SDCBP: variants seen among roughly 807,000 people sequenced by gnomAD.
The protein encoded by SDCBP is syndecan binding protein.
Under a neutral mutation model 30.5 loss-of-function variants are expected in SDCBP, and 22 were observed. The observed-to-expected ratio is 0.72, with a 90% CI of 0.52 to 1.03. The LOEUF is 1.03. SDCBP is among the 50% of genes least tolerant of loss of function. The pLI is 0.00. For missense variants in SDCBP, 304 were observed against 369.9 expected, an observed-to-expected ratio of 0.82 and a Z score of 1.46; for synonymous variants, 103 against 118.7, an observed-to-expected ratio of 0.87 and a Z score of 0.86.
intron 1 of SDCBP, chr8:58,560,797 T>C (rs1210982487): frequency 6.6e-6 from 1 of 152,108 alleles, no homozygotes; most frequent in African/African-American, 2.4e-5. Flanking sequence ...CCACAAAGAC[T>C]GGGAGGGGTG....
At chr8:58,573,711 G>A (rs1805166735) in intron 4 of SDCBP, among the ~76,000 whole-genome samples, 1 of 152,150 alleles carries the variant, frequency 6.6e-6, no homozygotes. Flanking sequence ...GAAGGAATGA[G>A]GTGCTTGTCA....
At chr8:58,559,450 C>T (rs1288209697) in intron 1 of SDCBP, among the ~76,000 whole-genome samples, 2 of 152,056 alleles carry the variant, frequency 1.3e-5, no homozygotes, top group Non-Finnish European at 2.9e-5. Flanking sequence ...TAGGGAAAGG[C>T]TGCTAGGAAA....
intron 4 of SDCBP, among the ~76,000 whole-genome samples, chr8:58,575,458 C>A (rs1805262893): frequency 6.6e-6 from 1 of 152,166 alleles, no homozygotes; most frequent in African/African-American, 2.4e-5. Flanking sequence ...ATACAACATG[C>A]ACTTTTCATT....
intron 2 of SDCBP, among the ~76,000 whole-genome samples, chr8:58,569,149 C>A (rs1409354935): frequency 6.7e-6 from 1 of 150,214 alleles, no homozygotes; most frequent in East Asian, 2.0e-4. Flanking sequence ...TCAAGCAATT[C>A]TCCCTGCCTC....
chr8:58,560,717 A>G (rs1804388821), intron 1 of SDCBP: 1 of 152,224 alleles, frequency 6.6e-6, no homozygotes, highest in African/African-American at 2.4e-5. Context: ...ATCCTCAGGA[A>G]AGGTTCAAAA....
In SDCBP at chr8:58,580,504, G is replaced by A. The variant is rs1399262342; in HGVS notation, c.751-13G>A. On this transcript the variant is annotated splice_polypyrimidine_tract_variant and intron_variant, in intron 7 of 8. Coordinates refer to ENST00000260130, the MANE Select transcript of SDCBP (RefSeq NM_005625.4). ...CCTCTGTGGAATTAATTTTTAATAT[G>A]TGTTTTTATCAGGACTCTCAAATTG... is the stretch of plus-strand genomic sequence containing the variant. 1 of 1,354,164 alleles carries A rather than the reference G, an allele frequency of 7.4e-7. No homozygotes were observed. The highest frequency in any genetic ancestry group is 1.7e-5 in the Admixed American group (1 of 58,410). The allele number at this position is 1,354,164 out of a possible 1,614,324, so 83.9% of individuals were successfully genotyped here.
At chr8:58,579,070 T>G (rs1805518592) in intron 6 of SDCBP, among the ~76,000 whole-genome samples, 1 of 152,188 alleles carries the variant, frequency 6.6e-6, no homozygotes, top group Non-Finnish European at 1.5e-5. Flanking sequence ...CTGGATGCCT[T>G]TTAATAATAG....
chr8:58,554,438 G>A (rs1803987350), intron 1 of SDCBP, among the ~76,000 whole-genome samples: 1 of 152,162 alleles, frequency 6.6e-6, no homozygotes, highest in Non-Finnish European at 1.5e-5. Flanking sequence ...TAAAATTTGT[G>A]CCTTAAATGG....
At chr8:58,569,694 C>T (rs1585695393) in intron 2 of SDCBP, among the ~76,000 whole-genome samples, 1 of 150,874 alleles carries the variant, frequency 6.6e-6, no homozygotes, top group African/African-American at 2.4e-5. Flanking sequence ...AGACATGATT[C>T]AAGAAGTAAT....
chr8:58,569,056 C>A (rs918014538), intron 2 of SDCBP, among the ~76,000 whole-genome samples: 3 of 151,320 alleles, frequency 2.0e-5, no homozygotes, highest in Admixed American at 1.3e-4. Flanking sequence ...ATTTTTTTTT[C>A]CCCCAAAACG....
At chr8:58,575,383 A>C (rs1805259056) in intron 4 of SDCBP, among the ~76,000 whole-genome samples, 1 of 152,164 alleles carries the variant, frequency 6.6e-6, no homozygotes, top group South Asian at 2.1e-4. Context: ...TGATTTGTTA[A>C]TCCATAGATG....
intron 2 of SDCBP, 185 bp from the exon 3 acceptor site, chr8:58,570,702 A>G (rs1585697100): frequency 1.9e-6 from 1 of 529,046 alleles, no homozygotes; most frequent in East Asian, 2.9e-5. Context: ...AGAATATCAA[A>G]TATAGTTTTG....
intron 6 of SDCBP, among the ~76,000 whole-genome samples, chr8:58,579,297 A>G (rs911266650): frequency 6.6e-6 from 1 of 152,246 alleles, no homozygotes; most frequent in African/African-American, 2.4e-5. Context: ...ACTGTGATTT[A>G]GTTAAAAAGC....
At chr8:58,580,371 T>C (rs552540002) in intron 7 of SDCBP, 146 bp from the exon 8 acceptor site, 1 of 581,508 alleles carries the variant, frequency 1.7e-6, no homozygotes, top group East Asian at 2.9e-5. Flanking sequence ...TGTAAAATAG[T>C]GTACAATTAA....
chr8:58,556,892 TATA>T (rs1200921600), intron 1 of SDCBP, among the ~76,000 whole-genome samples: 1 of 143,058 alleles, frequency 7.0e-6, no homozygotes, highest in Non-Finnish European at 1.5e-5. Context: ...TTATAATACG[TATA>T]ATACGTATTA....
chr8:58,575,883 G>T lies in SDCBP; in HGVS notation c.241-17G>T. The T allele has an allele frequency of 6.3e-7, 1 of 1,599,920 alleles. No individual in the cohort carries two copies. The highest frequency in any genetic ancestry group is 2.2e-5 in the East Asian group (1 of 44,644). The stretch of plus-strand genomic sequence containing the variant: ...GAGTGTTTCTAGATATTGACACATT[G>T]TATATGGTTTTGTCAGCAGTTGGTA... On this transcript the variant is annotated splice_polypyrimidine_tract_variant and intron_variant, in intron 4 of 8. Coordinates refer to ENST00000260130, the MANE Select transcript of SDCBP (RefSeq NM_005625.4).
At chr8:58,573,027 C>T (rs1422160224) in intron 4 of SDCBP, among the ~76,000 whole-genome samples, 1 of 151,974 alleles carries the variant, frequency 6.6e-6, no homozygotes. Context: ...ACGCTGGTCT[C>T]GAACACCTGA....
In SDCBP at chr8:58,575,881, T is replaced by C. The variant is rs200298235; in HGVS notation, c.241-19T>C. 110 of 1,585,934 alleles carry C rather than the reference T, an allele frequency of 6.9e-5. No individual in the cohort carries two copies. In the East Asian group the frequency reaches 2.4e-3, roughly 35 times the overall value. On this transcript the variant is annotated intron_variant, in intron 4 of 8. Coordinates refer to ENST00000260130, the MANE Select transcript of SDCBP (RefSeq NM_005625.4). ...GAGAGTGTTTCTAGATATTGACACA[T>C]TGTATATGGTTTTGTCAGCAGTTGG...
At chr8:58,578,243 A>C (rs541456769) in intron 6 of SDCBP, 35 bp downstream of exon 6, 38 of 1,441,594 alleles carry the variant, frequency 2.6e-5, no homozygotes, top group Non-Finnish European at 3.3e-5. Context: ...ATGAAAATTC[A>C]ATACTAGTTT....
Sources: allele counts gnomAD v4.1 joint callset (sites outside exome capture counted in the v4.1 genomes callset), GRCh38; gene constraint gnomAD v4.1.1; transcripts MANE v1.5; gene names NCBI Gene and HGNC (gene_info 2026-07-23, HGNC 2026-07-21).